MCTP1: variants seen among roughly 807,000 people sequenced by gnomAD.
MCTP1 encodes multiple C2 and transmembrane domain-containing protein 1.
Under a neutral mutation model 120.6 loss-of-function variants are expected in MCTP1, and 69 were observed. The ratio of observed to expected loss-of-function variants is 0.57; its 90% CI spans 0.47 to 0.70. The LOEUF is 0.70. Ranked by LOEUF, MCTP1 falls within the 30% of genes least tolerant of loss-of-function variation. MCTP1 has a pLI of 0.00. For missense variants in MCTP1, 1,203 were observed against 1,248.8 expected (o/e 0.96, Z 0.55); for synonymous variants, 529 against 493.1 (o/e 1.07, Z -0.96).
intron 2 of MCTP1, among the ~76,000 whole-genome samples, chr5:94,953,584 C>T (rs796317173): frequency 6.6e-6 from 1 of 150,896 alleles, no homozygotes; most frequent in Non-Finnish European, 1.5e-5. Flanking sequence ...AATCGTGTAA[C>T]CTTGTCCTGG....
chr5:95,062,220 T>C (rs952831238), intron 1 of MCTP1, among the ~76,000 whole-genome samples: 1 of 152,242 alleles, frequency 6.6e-6, no homozygotes, highest in Non-Finnish European at 1.5e-5. Flanking sequence ...CTGATGTCTT[T>C]ATAGAATCAA....
intron 1 of MCTP1, among the ~76,000 whole-genome samples, chr5:95,200,373 T>C (rs1403803851): frequency 6.6e-6 from 1 of 151,296 alleles, no homozygotes; most frequent in Non-Finnish European, 1.5e-5. Flanking sequence ...ATAAAATCAG[T>C]GTATGACAGA....
At chr5:94,779,271 A>G in intron 18 of MCTP1, 108 bp from the exon 19 acceptor site, 1 of 884,124 alleles carries the variant, frequency 1.1e-6, no homozygotes, top group East Asian at 2.4e-5. Context: ...TGAAACAGGC[A>G]CACTGAGAAG....
chr5:95,274,515 C>A (rs1452709864), intron 1 of MCTP1, among the ~76,000 whole-genome samples: 4 of 152,182 alleles, frequency 2.6e-5, no homozygotes, highest in African/African-American at 9.7e-5. Context: ...TTATCTTTGA[C>A]CTCTCCCTCT....
chr5:94,926,896 T>C (rs1373053067), intron 6 of MCTP1, among the ~76,000 whole-genome samples: 1 of 152,158 alleles, frequency 6.6e-6, no homozygotes, highest in Non-Finnish European at 1.5e-5. Context: ...AACACAAGCA[T>C]TGTGGAATCC....
intron 1 of MCTP1, among the ~76,000 whole-genome samples, chr5:95,140,648 G>A (rs1311465679): frequency 7.2e-6 from 1 of 139,024 alleles, no homozygotes; most frequent in African/African-American, 2.7e-5. Context: ...CACGAGGCAG[G>A]AGATCGAGAC....
chr5:95,054,217 G>A (rs1027911025), intron 1 of MCTP1, among the ~76,000 whole-genome samples: 1 of 152,190 alleles, frequency 6.6e-6, no homozygotes, highest in African/African-American at 2.4e-5. Context: ...ACCTGTCCAA[G>A]ATTACCCGGT....
chr5:95,039,641 G>T (rs965433713), intron 1 of MCTP1, among the ~76,000 whole-genome samples: 2 of 152,090 alleles, frequency 1.3e-5, no homozygotes, highest in African/African-American at 4.8e-5. Flanking sequence ...AGAGAAAGGT[G>T]TCTCACAAGG....
rs373727003 is a variant in MCTP1, at chr5:94,716,904, AATC to A, written c.2611-2021_2611-2019del. Reference sequence around the variant, plus strand: ...TAGCTAAGAAATTTTACAAAAGAGAAATCATGAGAAGGCATTCAGTGTACCCAG... The same window carrying A: ...TAGCTAAGAAATTTTACAAAAGAGAAATGAGAAGGCATTCAGTGTACCCAG... On this transcript the variant is annotated intron_variant, in intron 19 of 22. Coordinates refer to ENST00000515393, the MANE Select transcript of MCTP1 (RefSeq NM_024717.7). Among the ~76,000 whole-genome samples, 21 of 152,298 alleles carry A rather than the reference AATC, an allele frequency of 1.4e-4. No homozygotes were observed. The East Asian group carries it at 2.9e-3, about 21-fold the overall frequency.
intron 1 of MCTP1, among the ~76,000 whole-genome samples, chr5:95,109,100 T>A (rs188253947): frequency 2.0e-5 from 3 of 152,322 alleles, no homozygotes; most frequent in African/African-American, 7.2e-5. Flanking sequence ...ATCATGCAGT[T>A]AGGCTGAGGT....
At chr5:94,829,242 C>T (rs1417136711) in intron 17 of MCTP1, among the ~76,000 whole-genome samples, 1 of 152,192 alleles carries the variant, frequency 6.6e-6, no homozygotes, top group Admixed American at 6.5e-5. Context: ...ACCCCTTGTG[C>T]TTCCTGGGTG....
At chr5:94,797,009 G>A (rs1780232979) in intron 18 of MCTP1, among the ~76,000 whole-genome samples, 1 of 151,998 alleles carries the variant, frequency 6.6e-6, no homozygotes, top group South Asian at 2.1e-4. Flanking sequence ...GCTAAAAGAG[G>A]AGCGTGTTAG....
At chr5:94,967,906 A>G (rs1825978788) in intron 2 of MCTP1, among the ~76,000 whole-genome samples, 1 of 152,222 alleles carries the variant, frequency 6.6e-6, no homozygotes, top group African/African-American at 2.4e-5. Flanking sequence ...TCTCTTTCCA[A>G]CCATCACTTA....
chr5:94,982,196 T>G (rs971149652), intron 2 of MCTP1, among the ~76,000 whole-genome samples: 5 of 152,222 alleles, frequency 3.3e-5, no homozygotes. Flanking sequence ...CTTATCTTTA[T>G]GTCTACACTA....
intron 17 of MCTP1, among the ~76,000 whole-genome samples, chr5:94,809,949 A>G (rs1440762046): frequency 1.3e-5 from 2 of 152,106 alleles, no homozygotes; most frequent in East Asian, 3.8e-4. Context: ...ATTATTTTCT[A>G]AGGAAGAAAA....
chr5:94,798,360 C>T (rs1462915261), intron 18 of MCTP1, among the ~76,000 whole-genome samples: 1 of 152,084 alleles, frequency 6.6e-6, no homozygotes, highest in Non-Finnish European at 1.5e-5. Flanking sequence ...GCTTCTTAGT[C>T]TAAAACTCTT....
chr5:95,172,965 C>A (rs889276070), intron 1 of MCTP1, among the ~76,000 whole-genome samples: 2 of 152,102 alleles, frequency 1.3e-5, no homozygotes, highest in East Asian at 1.9e-4. Context: ...GTAATTTTCA[C>A]AGATTATAGA....
chr5:95,023,247 T>G (rs991257902), intron 1 of MCTP1, among the ~76,000 whole-genome samples: 1 of 152,164 alleles, frequency 6.6e-6, no homozygotes, highest in Non-Finnish European at 1.5e-5. Context: ...TGCTTAGATT[T>G]CAGCAATGAG....
intron 17 of MCTP1, among the ~76,000 whole-genome samples, chr5:94,807,235 T>C (rs138270053): frequency 3.2e-4 from 48 of 152,274 alleles, no homozygotes; most frequent in African/African-American, 1.1e-3. Flanking sequence ...AGACCTCAAA[T>C]TAGAAAGATA....
Sources: gnomAD v4.1 joint callset for allele counts (sites outside exome capture counted in the v4.1 genomes callset) on GRCh38, gnomAD v4.1.1 for gene constraint, MANE v1.5 for transcripts, NCBI Gene and HGNC (gene_info 2026-07-23, HGNC 2026-07-21) for gene names.